TANGO2: variants seen among roughly 807,000 people sequenced by gnomAD.
The protein encoded by TANGO2 is transport and Golgi organization protein 2 homolog.
Under a neutral mutation model 39.1 loss-of-function variants are expected in TANGO2, and 26 were observed. That is an observed-to-expected ratio of 0.67 (90% CI 0.49 to 0.92). The LOEUF is 0.92. Ranked by LOEUF, TANGO2 falls within the 40% of genes least tolerant of loss-of-function variation. TANGO2 has a pLI of 0.00. For synonymous variants in TANGO2, 131 were observed against 144.5 expected (o/e 0.91, Z 0.67); for missense variants, 326 against 360.1 (o/e 0.91, Z 0.77).
At chr22:20,028,159 G>A (rs1053301115) in intron 1 of TANGO2, among the ~76,000 whole-genome samples, 5 of 151,932 alleles carry the variant, frequency 3.3e-5, no homozygotes, top group African/African-American at 7.3e-5. Context: ...GCTGTGTTGC[G>A]GAAGTGCAGT....
At chr22:20,025,077 C>T (rs993387500) in intron 1 of TANGO2, among the ~76,000 whole-genome samples, 4 of 150,846 alleles carry the variant, frequency 2.7e-5, no homozygotes, top group Non-Finnish European at 5.9e-5. Context: ...CGTTTTGAGA[C>T]AGAGTCTTGC....
rs143454494 is a variant in TANGO2 at position 20,050,004 on chromosome 22, C to T, written c.146-2461C>T. ...CGGGCCGATCATGAGATCAGGAGAC[C>T]GAGACCATCTTGGCTAACACGGTGA... On this transcript the variant is annotated intron_variant, in intron 3 of 8. Coordinates refer to ENST00000327374, the MANE Select transcript of TANGO2 (RefSeq NM_152906.7). 5.5e-3 allele frequency among the ~76,000 whole-genome samples: 840 copies of T among 152,154 alleles called. 7 individuals carry two copies. The highest frequency in any genetic ancestry group is 0.019 in the African/African-American group (793 of 41,524).
intron 2 of TANGO2, chr22:20,037,177 C>T (rs1348918963): frequency 2.4e-5 from 35 of 1,431,422 alleles, no homozygotes; most frequent in African/African-American, 1.1e-4. Flanking sequence ...ACTGGGACAA[C>T]GGCGTCAGTG....
chr22:20,042,861 C>T (rs1428616144), intron 2 of TANGO2, among the ~76,000 whole-genome samples: 3 of 152,136 alleles, frequency 2.0e-5, no homozygotes, highest in South Asian at 2.1e-4. Context: ...CCAACCAACC[C>T]GAGAAATTAA....
intron 3 of TANGO2, chr22:20,048,365 A>G (rs1222826008): frequency 1.3e-5 from 2 of 152,206 alleles, no homozygotes; most frequent in African/African-American, 2.4e-5. Flanking sequence ...ATGCTGAACT[A>G]TGAGTCACAT....
At chr22:20,030,391 G>A (rs1046224615) in intron 1 of TANGO2, among the ~76,000 whole-genome samples, 1 of 152,020 alleles carries the variant, frequency 6.6e-6, no homozygotes, top group African/African-American at 2.4e-5. Context: ...CTGTTGCCCA[G>A]GCTGGAGGAC....
At chr22:20,027,398 C>T (rs1408268354) in intron 1 of TANGO2, among the ~76,000 whole-genome samples, 1 of 152,192 alleles carries the variant, frequency 6.6e-6, no homozygotes, top group Non-Finnish European at 1.5e-5. Context: ...ACACCAGCCA[C>T]AGCTGAGAGG....
At chr22:20,029,888 G>C (rs993286980) in intron 1 of TANGO2, among the ~76,000 whole-genome samples, 7 of 152,222 alleles carry the variant, frequency 4.6e-5, no homozygotes, top group African/African-American at 1.7e-4. Flanking sequence ...ACTGGGGGTG[G>C]TTAAGTGTTG....
At chr22:20,047,213 T>C (rs534544814) in intron 3 of TANGO2, among the ~76,000 whole-genome samples, 2 of 151,242 alleles carry the variant, frequency 1.3e-5, no homozygotes, top group South Asian at 4.2e-4. Flanking sequence ...ACACTGGGGA[T>C]CAGTTTTTTG....
At chr22:20,041,406 G>A (rs753449388) in intron 2 of TANGO2, among the ~76,000 whole-genome samples, 77 of 146,388 alleles carry the variant, frequency 5.3e-4, no homozygotes, top group African/African-American at 1.9e-3. Flanking sequence ...TCTGCCTCCC[G>A]GGTTCACACC....
intron 1 of TANGO2, among the ~76,000 whole-genome samples, chr22:20,025,020 C>G (rs1486661364): frequency 6.6e-6 from 1 of 151,836 alleles, no homozygotes; most frequent in African/African-American, 2.4e-5. Context: ...AATGTCCCAG[C>G]CCTGGCAGGG....
At chr22:20,032,298 G>A (rs2042019029) in intron 1 of TANGO2, among the ~76,000 whole-genome samples, 1 of 152,292 alleles carries the variant, frequency 6.6e-6, no homozygotes. Context: ...GTGGCCATCT[G>A]ACTGCTTCTG....
intron 2 of TANGO2, among the ~76,000 whole-genome samples, chr22:20,042,061 A>G (rs2044063646): frequency 6.6e-6 from 1 of 151,772 alleles, no homozygotes; most frequent in Non-Finnish European, 1.5e-5. Context: ...AGTTCACTGC[A>G]GCCTCAAACT....
chr22:20,063,284 GC>G (rs1239128468), intron 7 of TANGO2, 53 bp from the exon 8 acceptor site: 1 of 1,558,162 alleles, frequency 6.4e-7, no homozygotes, highest in African/African-American at 1.4e-5. Flanking sequence ...GCTAGACCCG[GC>G]TGCGGGCGGG....
intron 7 of TANGO2, among the ~76,000 whole-genome samples, chr22:20,062,591 C>T (rs962884426): frequency 6.6e-6 from 1 of 152,264 alleles, no homozygotes; most frequent in African/African-American, 2.4e-5. Context: ...CCACACAGCC[C>T]CCATCAATGT....
Position 20,036,619 on chromosome 22 carries a change from TGTG to T in TANGO2, c.-39-137_-39-135del, listed in dbSNP as rs2042899443. On this transcript the variant is annotated intron_variant, in intron 1 of 8. Coordinates refer to ENST00000327374, the MANE Select transcript of TANGO2 (RefSeq NM_152906.7). ...TTGTTTGTGTGGCACCGGCCAAGAGTGTGGTGTCCAGTTCCCCCACACCCAGCA... is the reference window on the plus strand; with the variant it reads ...TTGTTTGTGTGGCACCGGCCAAGAGTGTGTCCAGTTCCCCCACACCCAGCA... The T allele has an allele frequency of 7.1e-6, 5 of 707,498 alleles. No homozygotes were observed. The East Asian group carries it at 1.3e-4, about 19-fold the overall frequency. 43.8% of individuals were successfully genotyped at this position (707,498 alleles called of 1,614,324 possible). A position where few individuals can be genotyped will look rare whatever the true frequency, so the allele number is the denominator to read the frequency against.
intron 3 of TANGO2, among the ~76,000 whole-genome samples, chr22:20,049,589 G>A (rs1191075066): frequency 1.1e-4 from 16 of 151,752 alleles, no homozygotes; most frequent in Admixed American, 1.1e-3. Flanking sequence ...GAACCCGGGA[G>A]GCGGAGGTTG....
chr22:20,035,024 CA>C (rs1437037324), intron 1 of TANGO2, among the ~76,000 whole-genome samples: 1 of 152,350 alleles, frequency 6.6e-6, no homozygotes, highest in African/African-American at 2.4e-5. Context: ...TGGGCGCTTC[CA>C]GGGCACCCGG....
At chr22:20,064,081 C>T (rs1448530448) in intron 8 of TANGO2, among the ~76,000 whole-genome samples, 1 of 152,196 alleles carries the variant, frequency 6.6e-6, no homozygotes, top group African/African-American at 2.4e-5. Flanking sequence ...TTCAGGTGGG[C>T]TGGCATGGCC....
Sources: gnomAD v4.1 joint callset for allele counts (sites outside exome capture counted in the v4.1 genomes callset) on GRCh38, gnomAD v4.1.1 for gene constraint, MANE v1.5 for transcripts, NCBI Gene and HGNC (gene_info 2026-07-23, HGNC 2026-07-21) for gene names.